Variants in RANGAP1 observed in about 807,000 individuals in gnomAD.
RANGAP1 encodes the protein ran GTPase-activating protein 1.
In RANGAP1, 38 loss-of-function variants were observed where a neutral mutation model predicts 63.5. The ratio of observed to expected loss-of-function variants is 0.60; its 90% confidence interval spans 0.46 to 0.78. The LOEUF is 0.78. Among genes scored for constraint, RANGAP1 ranks in the 30% least tolerant of loss-of-function variants. The pLI is 0.00. For synonymous variants in RANGAP1, 329 were observed against 310.5 expected (o/e 1.06, Z -0.63); for missense variants, 630 against 740.3 (o/e 0.85, Z 1.73).
intron 2 of RANGAP1, among the ~76,000 whole-genome samples, chr22:41,278,756 T>C (rs945884711): frequency 3.9e-5 from 6 of 152,202 alleles, no homozygotes; most frequent in Admixed American, 6.5e-5. Context: ...TCAAAAGTGA[T>C]AAACGAGGTC....
intron 1 of RANGAP1, among the ~76,000 whole-genome samples, chr22:41,283,974 C>T (rs963158825): frequency 3.3e-5 from 5 of 152,164 alleles, no homozygotes; most frequent in Non-Finnish European, 7.3e-5. Context: ...CAGGGCCGGG[C>T]GCAAAGGCTC....
intron 14 of RANGAP1, 64 bp from the exon 15 acceptor site, chr22:41,249,515 C>A: frequency 6.2e-7 from 1 of 1,604,954 alleles, no homozygotes; most frequent in Non-Finnish European, 8.5e-7. Context: ...CCCTGGACTC[C>A]ACCATCCAGA....
chr22:41,255,709 G>T (rs539503750), intron 10 of RANGAP1, among the ~76,000 whole-genome samples: 1 of 152,060 alleles, frequency 6.6e-6, no homozygotes, highest in East Asian at 1.9e-4. Context: ...AGCCCTGACT[G>T]TCCCATCCTT....
At chr22:41,286,502 C>T (rs555302539), upstream of RANGAP1, among the ~76,000 whole-genome samples, 2 of 152,346 alleles carry the variant, frequency 1.3e-5, no homozygotes, top group South Asian at 4.1e-4. Context: ...TGCGTTGCAC[C>T]CAGGTCCCTC....
chr22:41,295,432 A>G, the RANGAP1 span, among the ~76,000 whole-genome samples: 2 of 152,142 alleles, frequency 1.3e-5, no homozygotes, highest in East Asian at 1.9e-4. Flanking sequence ...CATGTGCTGT[A>G]TCCACTCAGG....
chr22:41,264,958 C>A, intron 4 of RANGAP1, 115 bp from the exon 5 acceptor site: 1 of 1,064,586 alleles, frequency 9.4e-7, no homozygotes, highest in Non-Finnish European at 1.4e-6. Context: ...GGTGCAGAAC[C>A]AACACAGACA....
At chr22:41,295,423 A>G in the RANGAP1 span, among the ~76,000 whole-genome samples, 10 of 152,264 alleles carry the variant, frequency 6.6e-5, no homozygotes, top group East Asian at 1.9e-3. Flanking sequence ...TCTCTGAAAC[A>G]TGTGCTGTAT....
At chr22:41,249,664 T>C in intron 14 of RANGAP1, 65 bp downstream of exon 14, 1 of 1,565,296 alleles carries the variant, frequency 6.4e-7, no homozygotes, top group Non-Finnish European at 8.8e-7. Context: ...CGGGCATGGC[T>C]GGGGCAGCTT....
intron 1 of RANGAP1, chr22:41,281,716 C>T: frequency 1.2e-6 from 1 of 868,280 alleles, no homozygotes; most frequent in Non-Finnish European, 1.4e-6. Flanking sequence ...CATAATAGGA[C>T]AGGGACAGGG....
At chr22:41,252,579 C>A (rs1363461289) in intron 12 of RANGAP1, among the ~76,000 whole-genome samples, 13 of 152,142 alleles carry the variant, frequency 8.5e-5, no homozygotes, top group Admixed American at 6.5e-4. Context: ...CAGAGAGAAG[C>A]CAAGGAGGGG....
chr22:41,294,315 A>G, the RANGAP1 span, among the ~76,000 whole-genome samples: 1 of 152,154 alleles, frequency 6.6e-6, no homozygotes, highest in Non-Finnish European at 1.5e-5. Context: ...CGGCCTCCCG[A>G]GGTGCCGGGA....
intron 13 of RANGAP1, 43 bp downstream of exon 13, chr22:41,250,964 T>A: frequency 6.6e-7 from 1 of 1,523,592 alleles, no homozygotes. Context: ...CCCACGAGCA[T>A]CAAGGGACAG....
At chr22:41,253,102 G>T (rs1601599123) in intron 11 of RANGAP1, 111 bp from the exon 12 acceptor site, 1 of 1,150,246 alleles carries the variant, frequency 8.7e-7, no homozygotes, top group Non-Finnish European at 1.1e-6. Context: ...AGCCCATCTA[G>T]GCTCAAAGTC....
chr22:41,261,620 C>T, intron 5 of RANGAP1, 40 bp from the exon 6 acceptor site: 1 of 1,613,390 alleles, frequency 6.2e-7, no homozygotes, highest in Non-Finnish European at 8.5e-7. Context: ...TGGGCAGGAG[C>T]CCCTTCTCCC....
intron 15 of RANGAP1, among the ~76,000 whole-genome samples, chr22:41,246,901 C>T (rs765414298): frequency 6.6e-6 from 1 of 152,168 alleles, no homozygotes; most frequent in Non-Finnish European, 1.5e-5. Flanking sequence ...GAATGAAGGC[C>T]CCCTCAGCCA....
At chr22:41,301,977 T>G in the RANGAP1 span, among the ~76,000 whole-genome samples, 3,183 of 152,050 alleles carry the variant, frequency 0.021, 42 homozygotes, top group Non-Finnish European at 0.031. Flanking sequence ...AAAACCCCAT[T>G]TGCTCCTTTT....
chr22:41,280,440 A>T (rs1221603706), intron 2 of RANGAP1, among the ~76,000 whole-genome samples: 1 of 152,206 alleles, frequency 6.6e-6, no homozygotes, highest in African/African-American at 2.4e-5. Flanking sequence ...ACCTGTATAC[A>T]CACAGACAGC....
At chr22:41,256,954 G>A in intron 7 of RANGAP1, 130 bp from the exon 8 acceptor site, 1 of 671,006 alleles carries the variant, frequency 1.5e-6, no homozygotes, top group Non-Finnish European at 2.5e-6. Context: ...CAAGTCACCA[G>A]CTTTGCCGTC....
At chr22:41,279,959 G>A (rs1301666100) in intron 2 of RANGAP1, among the ~76,000 whole-genome samples, 3 of 151,736 alleles carry the variant, frequency 2.0e-5, no homozygotes, top group Non-Finnish European at 4.4e-5. Flanking sequence ...TTAGCCGGGT[G>A]TGGTGGTGGG....
Sources: allele counts gnomAD v4.1 joint callset (sites outside exome capture counted in the v4.1 genomes callset), GRCh38; gene constraint gnomAD v4.1.1; transcripts MANE v1.5; gene names NCBI Gene and HGNC (gene_info 2026-07-23, HGNC 2026-07-21).